FNIP1: variants seen among roughly 807,000 people sequenced by gnomAD.
FNIP1 encodes folliculin-interacting protein 1.
In FNIP1, 40 loss-of-function variants were observed where a neutral mutation model predicts 124.5. That is an observed-to-expected ratio of 0.32 (90% CI 0.25 to 0.42). FNIP1 has a LOEUF of 0.42. FNIP1 is among the 10% of genes least tolerant of loss of function. The pLI is 1.00. For synonymous variants in FNIP1, 472 were observed against 470.6 expected (o/e 1.00, Z -0.04); for missense variants, 1,176 against 1,403.7 (o/e 0.84, Z 2.59).
intron 11 of FNIP1, among the ~76,000 whole-genome samples, chr5:131,694,496 T>A (rs1473593639): frequency 6.6e-6 from 1 of 152,008 alleles, no homozygotes; most frequent in Non-Finnish European, 1.5e-5. Context: ...GTCTGAAAAG[T>A]CCACATAGCA....
intron 1 of FNIP1, among the ~76,000 whole-genome samples, chr5:131,777,671 C>T (rs1346688641): frequency 6.6e-6 from 1 of 152,150 alleles, no homozygotes; most frequent in Non-Finnish European, 1.5e-5. Flanking sequence ...GTAAATAAAA[C>T]ATATATACTA....
intron 2 of FNIP1, among the ~76,000 whole-genome samples, chr5:131,738,178 A>AT (rs1325735612): frequency 6.6e-6 from 1 of 151,406 alleles, no homozygotes; most frequent in Non-Finnish European, 1.5e-5. Flanking sequence ...TATAGTTTTG[A>AT]TTTTCATTTT....
At position 131,772,674 on chromosome 5, in the gene FNIP1, T is replaced by C. The variant is rs73788764; in HGVS notation, c.92+24156A>G. Among the ~76,000 whole-genome samples the C allele has an allele frequency of 2.9e-3, 441 of 152,276 alleles. 1 individual carries two copies. The highest frequency in any genetic ancestry group is 9.5e-3 in the African/African-American group (396 of 41,570). On this transcript the variant is annotated intron_variant, in intron 1 of 17. Coordinates refer to ENST00000510461, the MANE Select transcript of FNIP1 (RefSeq NM_133372.3). ...TGCACCAGTCTCCCAATTGGGTAGA[T>C]TGAGGCCACAACTTCTTCTCCTTCA...
chr5:131,778,801 G>A (rs1580832291), intron 1 of FNIP1, among the ~76,000 whole-genome samples: 1 of 134,620 alleles, frequency 7.4e-6, no homozygotes, highest in African/African-American at 2.9e-5. Flanking sequence ...ATACACCATG[G>A]AATACTATGC....
At chr5:131,718,858 A>G in intron 5 of FNIP1, 128 bp downstream of exon 5, 2 of 656,796 alleles carry the variant, frequency 3.0e-6, no homozygotes, top group Non-Finnish European at 5.2e-6. Flanking sequence ...TCTGGCTTCC[A>G]TGAACTTTTA....
chr5:131,775,913 T>C (rs182284772), intron 1 of FNIP1, among the ~76,000 whole-genome samples: 1 of 152,310 alleles, frequency 6.6e-6, no homozygotes, highest in Non-Finnish European at 1.5e-5. Context: ...AAATAAATAT[T>C]TTGCTATAAG....
chr5:131,769,590 G>T (rs1478814651), intron 1 of FNIP1, among the ~76,000 whole-genome samples: 1 of 152,164 alleles, frequency 6.6e-6, no homozygotes, highest in Non-Finnish European at 1.5e-5. Flanking sequence ...ATACCAAGAA[G>T]TCTGAATTTA....
intron 13 of FNIP1, among the ~76,000 whole-genome samples, chr5:131,676,311 C>A (rs530965518): frequency 6.6e-6 from 1 of 152,224 alleles, no homozygotes; most frequent in Admixed American, 6.5e-5. Context: ...CTGCACCCAG[C>A]CATTGTTTTG....
chr5:131,759,776 A>C (rs920155023), intron 1 of FNIP1, among the ~76,000 whole-genome samples: 1 of 152,192 alleles, frequency 6.6e-6, no homozygotes, highest in Non-Finnish European at 1.5e-5. Flanking sequence ...GTACAAAAGG[A>C]TACATGTATT....
In FNIP1 at chr5:131,653,463, C is replaced by T. The variant is rs902629149; in HGVS notation, c.3109-1464G>A. 2.2e-4 allele frequency among the ~76,000 whole-genome samples: 33 copies of T among 151,648 alleles called. 1 individual carries two copies. In the South Asian group the frequency reaches 2.3e-3, roughly 11 times the overall value. On this transcript the variant is annotated intron_variant, in intron 15 of 17. Transcript: ENST00000510461. Reference sequence around the variant, plus strand: ...CTGAGGCAGGAGAATGGCTTGAACCCGGGAGGCAGAGGTTGCAGTGAGCTG... The same window carrying T: ...CTGAGGCAGGAGAATGGCTTGAACCTGGGAGGCAGAGGTTGCAGTGAGCTG...
chr5:131,681,539 C>T (rs1040704285), intron 11 of FNIP1, among the ~76,000 whole-genome samples: 2 of 151,526 alleles, frequency 1.3e-5, no homozygotes, highest in African/African-American at 4.8e-5. Flanking sequence ...ATAATGCAAA[C>T]AATGGAAGAA....
At chr5:131,653,556 A>G (rs1348889622) in intron 15 of FNIP1, among the ~76,000 whole-genome samples, 4 of 151,894 alleles carry the variant, frequency 2.6e-5, no homozygotes. Context: ...AAAAAAAGTC[A>G]CTATACATAC....
chr5:131,709,880 C>T (rs2149536231), intron 7 of FNIP1, among the ~76,000 whole-genome samples: 1 of 152,148 alleles, frequency 6.6e-6, no homozygotes. Flanking sequence ...ACAAGAAGGG[C>T]TAAATTGATA....
intron 2 of FNIP1, among the ~76,000 whole-genome samples, chr5:131,733,645 A>G (rs181765466): frequency 6.6e-6 from 1 of 152,282 alleles, no homozygotes; most frequent in East Asian, 1.9e-4. Flanking sequence ...TGATTTGCGT[A>G]TGTTAAACCA....
At chr5:131,755,378 G>A (rs13172625) in intron 1 of FNIP1, among the ~76,000 whole-genome samples, 95,989 of 149,820 alleles carry the variant, frequency 0.64, 32,604 homozygotes, top group Non-Finnish European at 0.77. Flanking sequence ...CCAAGATCAC[G>A]CCACTGCACT....
chr5:131,658,072 G>A (rs999288940), intron 15 of FNIP1, among the ~76,000 whole-genome samples: 4 of 150,904 alleles, frequency 2.7e-5, no homozygotes, highest in Admixed American at 6.6e-5. Context: ...TATGGATCTT[G>A]CAGAAATTCA....
At chr5:131,778,198 A>C (rs1271695061) in intron 1 of FNIP1, among the ~76,000 whole-genome samples, 1 of 152,104 alleles carries the variant, frequency 6.6e-6, no homozygotes, top group African/African-American at 2.4e-5. Context: ...CCTCTCAAAA[A>C]CAAAAACAAA....
Position 131,643,469 on chromosome 5 carries a change from G to C in FNIP1, c.*1216C>G, listed in dbSNP as rs1410060988. ...CTATAATGTAGTACTCAAGTAAACT[G>C]AGGTAGTAGAAAGTATTGAAAACTT... is the stretch of plus-strand genomic sequence containing the variant. On this transcript the variant is annotated 3_prime_UTR_variant, in exon 18 of 18. Coordinates refer to ENST00000510461, the MANE Select transcript of FNIP1 (RefSeq NM_133372.3). 2 of 152,680 alleles carry C rather than the reference G, an allele frequency of 1.3e-5. No homozygotes were observed. The highest frequency in any genetic ancestry group is 2.9e-5 in the Non-Finnish European group (2 of 68,020). The allele number at this position is 152,680 out of a possible 1,614,324, so 9.5% of individuals were successfully genotyped here. A position where few individuals can be genotyped will look rare whatever the true frequency, so the allele number is the denominator to read the frequency against.
chr5:131,664,430 G>A (rs1318104641), intron 15 of FNIP1, among the ~76,000 whole-genome samples: 4 of 152,050 alleles, frequency 2.6e-5, no homozygotes, highest in African/African-American at 9.6e-5. Context: ...AGGCTCCAGA[G>A]TTCGAGACCA....
Sources: allele counts gnomAD v4.1 joint callset (sites outside exome capture counted in the v4.1 genomes callset), GRCh38; gene constraint gnomAD v4.1.1; transcripts MANE v1.5; gene names NCBI Gene and HGNC (gene_info 2026-07-23, HGNC 2026-07-21).